Variants in CNTN5 observed in about 807,000 individuals in gnomAD.
The protein encoded by CNTN5 is contactin 5, also known as contactin-5.
Under a neutral mutation model 129.1 loss-of-function variants are expected in CNTN5, and 77 were observed. That is an observed-to-expected ratio of 0.60 (90% CI 0.50 to 0.72). The LOEUF is 0.72. CNTN5 is among the 30% of genes least tolerant of loss of function. The pLI, the probability that CNTN5 is intolerant of heterozygous loss-of-function variation, is 0.00. For synonymous variants in CNTN5, 509 were observed against 465.6 expected (o/e 1.09, Z -1.20); for missense variants, 1,478 against 1,328.8 (o/e 1.11, Z -1.75).
intron 1 of CNTN5, among the ~76,000 whole-genome samples, chr11:99,133,763 G>A (rs1859076756): frequency 6.6e-6 from 1 of 152,152 alleles, no homozygotes; most frequent in African/African-American, 2.4e-5. Flanking sequence ...AACAACAGAT[G>A]CTGGTGAGGT....
intron 21 of CNTN5, among the ~76,000 whole-genome samples, chr11:100,310,905 G>A (rs1433783551): frequency 6.6e-6 from 1 of 151,910 alleles, no homozygotes; most frequent in Non-Finnish European, 1.5e-5. Context: ...AGTGGGAGCA[G>A]GATGATGATG....
At chr11:99,313,835 A>G (rs142823304) in intron 1 of CNTN5, among the ~76,000 whole-genome samples, 366 of 152,168 alleles carry the variant, frequency 2.4e-3, no homozygotes, top group African/African-American at 8.2e-3. Flanking sequence ...TGCTTGCAAA[A>G]ACTTTGCCAT....
chr11:99,077,312 A>G (rs976530243), intron 1 of CNTN5, among the ~76,000 whole-genome samples: 60 of 152,228 alleles, frequency 3.9e-4, no homozygotes, highest in African/African-American at 1.4e-3. Context: ...TGCTACTGAC[A>G]TTTATATAAT....
chr11:100,049,333 A>G (rs1349539333), intron 9 of CNTN5, among the ~76,000 whole-genome samples: 1 of 152,144 alleles, frequency 6.6e-6, no homozygotes, highest in Non-Finnish European at 1.5e-5. Flanking sequence ...TCAGATTCAT[A>G]TCGCAAACTT....
chr11:99,192,305 C>A (rs1858684751), intron 1 of CNTN5, among the ~76,000 whole-genome samples: 1 of 151,792 alleles, frequency 6.6e-6, no homozygotes, highest in Admixed American at 6.6e-5. Flanking sequence ...TAGACACAGG[C>A]AACCTACCAA....
chr11:100,113,517 T>C (rs1945736335), intron 13 of CNTN5, among the ~76,000 whole-genome samples: 1 of 147,106 alleles, frequency 6.8e-6, no homozygotes, highest in Non-Finnish European at 1.5e-5. Context: ...ACAAAAAACT[T>C]TGAAAAGTAC....
intron 3 of CNTN5, among the ~76,000 whole-genome samples, chr11:99,694,973 A>G (rs1286676003): frequency 6.6e-6 from 1 of 152,098 alleles, no homozygotes; most frequent in Non-Finnish European, 1.5e-5. Flanking sequence ...ACATTTTTGA[A>G]TCAAATTTAA....
chr11:99,229,528 CAA>C (rs72050463), intron 1 of CNTN5, among the ~76,000 whole-genome samples: 1 of 114,222 alleles, frequency 8.8e-6, no homozygotes, highest in Non-Finnish European at 1.8e-5. Context: ...CAATTTTAGA[CAA>C]AAAAAAAAAA....
chr11:100,134,907 C>A (rs996031073), intron 13 of CNTN5, among the ~76,000 whole-genome samples: 12 of 152,170 alleles, frequency 7.9e-5, no homozygotes, highest in South Asian at 2.1e-4. Flanking sequence ...ATTATTTGTT[C>A]ATGTGTTCAT....
intron 1 of CNTN5, among the ~76,000 whole-genome samples, chr11:99,267,283 C>T (rs756481141): frequency 7.9e-5 from 12 of 151,880 alleles, no homozygotes; most frequent in South Asian, 4.1e-4. Context: ...GAAATAACCA[C>T]GTGAGTTTGT....
At chr11:99,287,181 G>T (rs950634457) in intron 1 of CNTN5, among the ~76,000 whole-genome samples, 1 of 152,102 alleles carries the variant, frequency 6.6e-6, no homozygotes, top group Non-Finnish European at 1.5e-5. Context: ...ACTGTAAGTA[G>T]AGCACTTAGG....
intron 2 of CNTN5, among the ~76,000 whole-genome samples, chr11:99,514,733 G>A (rs529347955): frequency 6.6e-6 from 1 of 152,176 alleles, no homozygotes; most frequent in South Asian, 2.1e-4. Context: ...CTTCAGTGTA[G>A]TATAAAAATA....
intron 1 of CNTN5, among the ~76,000 whole-genome samples, chr11:99,160,388 A>G (rs754885892): frequency 2.0e-5 from 3 of 152,192 alleles, no homozygotes; most frequent in African/African-American, 7.2e-5. Flanking sequence ...GACATAAGCT[A>G]TATGTGGGGT....
intron 1 of CNTN5, among the ~76,000 whole-genome samples, chr11:99,297,063 T>A (rs957069659): frequency 6.6e-6 from 1 of 151,968 alleles, no homozygotes; most frequent in Non-Finnish European, 1.5e-5. Flanking sequence ...GAGTCTAGAG[T>A]AGTTAAATTT....
chr11:99,457,236 G>C (rs934227902), intron 2 of CNTN5, among the ~76,000 whole-genome samples: 2 of 151,880 alleles, frequency 1.3e-5, no homozygotes, highest in Non-Finnish European at 2.9e-5. Context: ...TTAGCTGGTG[G>C]ACAAATATTT....
intron 1 of CNTN5, among the ~76,000 whole-genome samples, chr11:99,313,743 CTTAAACTGTGTCTATAA>C (rs1865215999): frequency 6.6e-6 from 1 of 152,038 alleles, no homozygotes; most frequent in Non-Finnish European, 1.5e-5. Context: ...ACAAACTCCA[CTTAAACTGTGTCTATAA>C]TAATCAAAAC....
intron 2 of CNTN5, among the ~76,000 whole-genome samples, chr11:99,418,932 A>G (rs1473789868): frequency 6.6e-6 from 1 of 152,168 alleles, no homozygotes; most frequent in African/African-American, 2.4e-5. Context: ...GATGAATTGT[A>G]TGGGATAACA....
At chr11:99,169,282 T>C (rs930829534) in intron 1 of CNTN5, among the ~76,000 whole-genome samples, 6 of 152,030 alleles carry the variant, frequency 3.9e-5, no homozygotes, top group African/African-American at 1.2e-4. Context: ...TAGTTGTAAA[T>C]AATCTAGAGG....
intron 1 of CNTN5, among the ~76,000 whole-genome samples, chr11:99,158,029 C>T (rs1860419265): frequency 6.6e-6 from 1 of 152,080 alleles, no homozygotes; most frequent in African/African-American, 2.4e-5. Flanking sequence ...ATCTCACACT[C>T]CTTGATTAAA....
Sources: allele counts gnomAD v4.1 joint callset (sites outside exome capture counted in the v4.1 genomes callset), GRCh38; gene constraint gnomAD v4.1.1; transcripts MANE v1.5; gene names NCBI Gene and HGNC (gene_info 2026-07-23, HGNC 2026-07-21).